The following RABGAP1L variants were observed in gnomAD, a reference collection of about 807,000 sequenced individuals.
RABGAP1L encodes RAB GTPase activating protein 1 like, also known as rab GTPase-activating protein 1-like.
Under a neutral mutation model 137.7 loss-of-function variants are expected in RABGAP1L, and 63 were observed. The observed-to-expected ratio is 0.46, with a 90% CI of 0.37 to 0.56. The LOEUF (loss-of-function observed/expected upper bound fraction) is 0.56, where lower values mean the gene tolerates loss of function less well. Ranked by LOEUF, RABGAP1L falls within the 20% of genes least tolerant of loss-of-function variation. The probability of loss-of-function intolerance (pLI) is 0.00; values close to 1 mark genes in which losing one functional copy is unlikely to be tolerated. For synonymous variants in RABGAP1L, 431 were observed against 433.7 expected, an observed-to-expected ratio of 0.99 and a Z score of 0.08; for missense variants, 1,095 against 1,244.0, an observed-to-expected ratio of 0.88 and a Z score of 1.80.
At chr1:174,521,745 A>G (rs998429600) in intron 13 of RABGAP1L, among the ~76,000 whole-genome samples, 1 of 152,184 alleles carries the variant, frequency 6.6e-6, no homozygotes, top group Non-Finnish European at 1.5e-5. Flanking sequence ...AGCATCTTAT[A>G]CAACTCAGAA....
intron 17 of RABGAP1L, among the ~76,000 whole-genome samples, chr1:174,728,676 C>A (rs551112431): frequency 1.0e-3 from 151 of 146,080 alleles, no homozygotes; most frequent in African/African-American, 3.6e-3. Flanking sequence ...CAGCTTACTG[C>A]ACCCTCCCAG....
chr1:174,720,309 T>TG (rs1681417585), intron 17 of RABGAP1L, among the ~76,000 whole-genome samples: 1 of 119,954 alleles, frequency 8.3e-6, no homozygotes, highest in African/African-American at 3.5e-5. Flanking sequence ...AGATAGTTGG[T>TG]TTTTTTTTTT....
intron 13 of RABGAP1L, among the ~76,000 whole-genome samples, chr1:174,600,935 A>C (rs1478493552): frequency 6.6e-6 from 1 of 152,190 alleles, no homozygotes; most frequent in East Asian, 1.9e-4. Flanking sequence ...GCACTGCCCT[A>C]TCAGAGGTTC....
At position 174,408,224 on chromosome 1, in the gene RABGAP1L, G is replaced by A. The variant is rs188054479; in HGVS notation, c.1710+14079G>A. 9.5e-3 allele frequency among the ~76,000 whole-genome samples: 1,448 copies of A among 152,090 alleles called. 22 individuals carry two copies. Among genetic ancestry groups the A allele is most frequent in the African/African-American group, 0.033 (1,387 of 41,474 alleles). On this transcript the variant is annotated intron_variant, in intron 13 of 25. Coordinates refer to ENST00000681986, the MANE Select transcript of RABGAP1L (RefSeq NM_001366446.1). ...AGTTTTTCAGCCCTTGTCTCCTTCA[G>A]CCTTCTGTTAGCCTCCATTGTCTGT...
chr1:174,214,372 G>C (rs1363259819), intron 1 of RABGAP1L, among the ~76,000 whole-genome samples: 1 of 152,024 alleles, frequency 6.6e-6, no homozygotes, highest in Non-Finnish European at 1.5e-5. Context: ...CATGTTCATG[G>C]GTTGGAGGAA....
At chr1:174,924,114 C>T (rs1352431203) in intron 19 of RABGAP1L, among the ~76,000 whole-genome samples, 1 of 151,356 alleles carries the variant, frequency 6.6e-6, no homozygotes, top group Admixed American at 6.6e-5. Context: ...ACTGACTGGG[C>T]ACAGTGGCTC....
intron 13 of RABGAP1L, among the ~76,000 whole-genome samples, chr1:174,511,039 T>G (rs192080717): frequency 5.3e-5 from 8 of 152,326 alleles, no homozygotes; most frequent in Admixed American, 3.9e-4. Context: ...CTACTAGTTA[T>G]GTTTCTTAAG....
chr1:174,277,682 T>A (rs980657854), intron 9 of RABGAP1L, among the ~76,000 whole-genome samples: 1 of 152,110 alleles, frequency 6.6e-6, no homozygotes, highest in African/African-American at 2.4e-5. Flanking sequence ...TAAAGTTTGA[T>A]TTTTATGGAA....
chr1:174,357,633 A>T (rs772121562), intron 11 of RABGAP1L, among the ~76,000 whole-genome samples: 1 of 152,224 alleles, frequency 6.6e-6, no homozygotes, highest in Non-Finnish European at 1.5e-5. Context: ...ACATAGGAGC[A>T]AAAAGGAAGG....
chr1:174,925,091 C>CCTGGTG (rs1390362630), intron 19 of RABGAP1L, among the ~76,000 whole-genome samples: 1 of 152,056 alleles, frequency 6.6e-6, no homozygotes, highest in Non-Finnish European at 1.5e-5. Flanking sequence ...GTGGGCCGGG[C>CCTGGTG]CTGGTGGCTC....
At chr1:174,494,616 C>T (rs538921936) in intron 13 of RABGAP1L, among the ~76,000 whole-genome samples, 6 of 152,078 alleles carry the variant, frequency 3.9e-5, no homozygotes, top group Non-Finnish European at 7.4e-5. Flanking sequence ...TCATTACTAA[C>T]GTAAAATTTT....
At chr1:174,658,668 C>G (rs921375861) in intron 14 of RABGAP1L, among the ~76,000 whole-genome samples, 1 of 152,228 alleles carries the variant, frequency 6.6e-6, no homozygotes, top group East Asian at 1.9e-4. Flanking sequence ...CCACCCACAT[C>G]CCCACCTGGG....
chr1:174,933,984 A>C (rs2149267424), intron 19 of RABGAP1L, among the ~76,000 whole-genome samples: 1 of 152,240 alleles, frequency 6.6e-6, no homozygotes, highest in East Asian at 1.9e-4. Context: ...TTTGGTATAG[A>C]AACATTTTAA....
chr1:174,540,653 A>C (rs1240149672), intron 13 of RABGAP1L, among the ~76,000 whole-genome samples: 2 of 151,966 alleles, frequency 1.3e-5, no homozygotes, highest in African/African-American at 4.8e-5. Context: ...ATTGGTCTAT[A>C]TCTCTGTTTT....
At chr1:174,464,601 A>G (rs749364126) in intron 13 of RABGAP1L, among the ~76,000 whole-genome samples, 5 of 152,078 alleles carry the variant, frequency 3.3e-5, no homozygotes, top group Non-Finnish European at 5.9e-5. Context: ...CTGCCTTCTT[A>G]TATTTCCACT....
chr1:174,790,441 T>C (rs902650531), intron 18 of RABGAP1L, among the ~76,000 whole-genome samples: 16 of 151,842 alleles, frequency 1.1e-4, no homozygotes, highest in Non-Finnish European at 2.9e-5. Flanking sequence ...CTGACCAACA[T>C]GGTGAAACCC....
intron 13 of RABGAP1L, among the ~76,000 whole-genome samples, chr1:174,452,631 G>C (rs889636737): frequency 6.6e-6 from 1 of 151,934 alleles, no homozygotes; most frequent in South Asian, 2.1e-4. Flanking sequence ...GCACTATCTC[G>C]GCTCACTGCA....
chr1:174,625,691 A>G (rs910681134), intron 13 of RABGAP1L, among the ~76,000 whole-genome samples: 1 of 152,234 alleles, frequency 6.6e-6, no homozygotes, highest in Non-Finnish European at 1.5e-5. Flanking sequence ...AGGAAGTGGT[A>G]GAATGTTTTC....
rs531143876 is a variant in RABGAP1L, at chr1:174,612,450, C to T, written c.1711-24925C>T. The stretch of plus-strand genomic sequence containing the variant: ...AAGCTTTTTGATGTGCTGCTGGATT[C>T]GGTTTGCCAGTATTTTATTCAGGAT... On this transcript the variant is annotated intron_variant, in intron 13 of 25. Coordinates refer to ENST00000681986, the MANE Select transcript of RABGAP1L (RefSeq NM_001366446.1). Among the ~76,000 whole-genome samples the T allele has an allele frequency of 1.5e-3, 221 of 152,242 alleles. 10 individuals are homozygous for T. The South Asian group carries it at 0.04, about 27-fold the overall frequency.
Sources: gnomAD v4.1 joint callset for allele counts (sites outside exome capture counted in the v4.1 genomes callset) on GRCh38, gnomAD v4.1.1 for gene constraint, MANE v1.5 for transcripts, NCBI Gene and HGNC (gene_info 2026-07-23, HGNC 2026-07-21) for gene names.